VWA3B: variants seen among roughly 807,000 people sequenced by gnomAD.
VWA3B encodes von Willebrand factor A domain-containing protein 3B.
A neutral mutation model predicts 158.3 loss-of-function variants in VWA3B; 138 were observed. The ratio of observed to expected loss-of-function variants is 0.87; its 90% CI spans 0.76 to 1.00. The LOEUF (loss-of-function observed/expected upper bound fraction) is 1.00. VWA3B is among the 50% of genes least tolerant of loss of function. VWA3B has a pLI of 0.00. For missense variants in VWA3B, 1,555 were observed against 1,565.1 expected, an observed-to-expected ratio of 0.99 and a Z score of 0.11; for synonymous variants, 596 against 587.3, an observed-to-expected ratio of 1.01 and a Z score of -0.21.
chr2:98,097,696 G>A (rs1682808600), intron 2 of VWA3B, among the ~76,000 whole-genome samples: 1 of 152,112 alleles, frequency 6.6e-6, no homozygotes, highest in African/African-American at 2.4e-5. Context: ...TTTCCATAGA[G>A]GTTGTACTAA....
chr2:98,188,108 C>T lies in VWA3B; in HGVS notation c.1445C>T (p.Ala482Val), dbSNP rs1490251225. ...CKWYSERIHTALARIRRRIKW... is the reference protein window; with the variant it reads ...CKWYSERIHTVLARIRRRIKW... ...TGGTACAGTGAGAGAATCCACACAG[C>T]CCTGGCCCGGATCCGAAGGAGGTTG... is the stretch of plus-strand genomic sequence containing the variant. The change falls in exon 10 of 28, where the codon GCC (alanine) becomes GTC (valine). Residue 482 changes from alanine (A) to valine (V), a missense_variant. By Grantham distance (64) the Ala-to-Val change is moderately conservative. Coordinates refer to ENST00000477737, the MANE Select transcript of VWA3B (RefSeq NM_144992.5). 2 of 1,612,878 alleles carry T rather than the reference C, an allele frequency of 1.2e-6. No homozygotes were observed. The highest frequency in any genetic ancestry group is 1.3e-5 in the African/African-American group (1 of 74,868).
chr2:98,176,261 CTTCCT>C lies in VWA3B; in HGVS notation c.1115-4751_1115-4747del, dbSNP rs1160773164. On this transcript the variant is annotated intron_variant, in intron 8 of 27. Coordinates refer to ENST00000477737, the MANE Select transcript of VWA3B (RefSeq NM_144992.5). ...CTTCTTTTCTCCCCTCCCTTCCTTCCTTCCTTTCTTCTGTCCTCCCTTCCCTCCCT... is the reference window on the plus strand; with the variant it reads ...CTTCTTTTCTCCCCTCCCTTCCTTCCTTCTTCTGTCCTCCCTTCCCTCCCT... Among the ~76,000 whole-genome samples, 11 of 150,998 alleles carry C rather than the reference CTTCCT, an allele frequency of 7.3e-5. No homozygotes were observed. In the East Asian group the frequency reaches 2.2e-3, roughly 30 times the overall value.
intron 7 of VWA3B, among the ~76,000 whole-genome samples, chr2:98,140,857 C>T (rs2105100514): frequency 1.3e-5 from 2 of 152,320 alleles, no homozygotes; most frequent in Non-Finnish European, 2.9e-5. Flanking sequence ...TAGGAATTTT[C>T]CTTGGAAAAG....
At chr2:98,221,483 A>G (rs937595643) in intron 14 of VWA3B, among the ~76,000 whole-genome samples, 1 of 152,188 alleles carries the variant, frequency 6.6e-6, no homozygotes, top group Non-Finnish European at 1.5e-5. Flanking sequence ...CTCTTGCTTC[A>G]TGGAAGCAAG....
the VWA3B span, among the ~76,000 whole-genome samples, chr2:98,321,032 A>G: frequency 2.1e-4 from 32 of 152,192 alleles, no homozygotes; most frequent in Non-Finnish European, 4.6e-4. Flanking sequence ...GCAGCCTTCA[A>G]ACAGGGTGCT....
intron 21 of VWA3B, among the ~76,000 whole-genome samples, chr2:98,262,270 C>T (rs986381840): frequency 2.0e-5 from 3 of 151,732 alleles, no homozygotes; most frequent in African/African-American, 7.3e-5. Flanking sequence ...CTTTGATGCA[C>T]AAAAGTTTTT....
At chr2:98,282,105 T>A (rs1189899272) in intron 22 of VWA3B, among the ~76,000 whole-genome samples, 1 of 152,208 alleles carries the variant, frequency 6.6e-6, no homozygotes, top group East Asian at 1.9e-4. Flanking sequence ...TTTGGCAAAA[T>A]TCAAAACCAG....
chr2:98,328,785 A>G, the VWA3B span, among the ~76,000 whole-genome samples: 1 of 152,228 alleles, frequency 6.6e-6, no homozygotes, highest in African/African-American at 2.4e-5. Flanking sequence ...ATTCAATGAT[A>G]TTCCACACAT....
intron 15 of VWA3B, among the ~76,000 whole-genome samples, chr2:98,229,216 T>C (rs1685156262): frequency 6.6e-6 from 1 of 152,184 alleles, no homozygotes; most frequent in African/African-American, 2.4e-5. Context: ...ACAAATAAAC[T>C]AAGAATCAAG....
intron 26 of VWA3B, among the ~76,000 whole-genome samples, chr2:98,308,915 T>A (rs1245688131): frequency 7.9e-5 from 12 of 152,190 alleles, no homozygotes. Flanking sequence ...CTCATGCCTG[T>A]AACCCTAGCA....
chr2:98,183,328 A>G (rs1356158975), intron 9 of VWA3B, among the ~76,000 whole-genome samples: 1 of 152,096 alleles, frequency 6.6e-6, no homozygotes, highest in African/African-American at 2.4e-5. Flanking sequence ...AGGCTGTGAA[A>G]TAGGTAGATT....
intron 3 of VWA3B, among the ~76,000 whole-genome samples, chr2:98,117,900 C>T (rs902117355): frequency 3.3e-5 from 5 of 152,022 alleles, no homozygotes; most frequent in Admixed American, 2.6e-4. Flanking sequence ...CCGTATCCAG[C>T]TACTTTTTGT....
chr2:98,148,178 A>G (rs1006978152), intron 7 of VWA3B, among the ~76,000 whole-genome samples: 1 of 152,180 alleles, frequency 6.6e-6, no homozygotes, highest in Non-Finnish European at 1.5e-5. Context: ...ATTGTGGGGT[A>G]ATCTCTCATG....
chr2:98,217,707 A>G, intron 13 of VWA3B, 139 bp from the exon 14 acceptor site: 1 of 676,592 alleles, frequency 1.5e-6, no homozygotes, highest in Non-Finnish European at 2.2e-6. Flanking sequence ...TTGAATCGAC[A>G]TGTTTTTAAG....
intron 2 of VWA3B, among the ~76,000 whole-genome samples, chr2:98,106,299 A>T (rs1673650136): frequency 6.6e-6 from 1 of 152,008 alleles, no homozygotes; most frequent in Non-Finnish European, 1.5e-5. Flanking sequence ...AATTTCTTGA[A>T]ATTGGGCCGG....
rs76801080 is a variant in VWA3B at position 98,157,962 on chromosome 2, A to G, written c.989-4889A>G. ...CCTGTCCTGGAAACGATAGTACTTC[A>G]GATACTTGGGGGAAGTCTTGCTTAC... On this transcript the variant is annotated intron_variant, in intron 7 of 27. Coordinates refer to ENST00000477737, the MANE Select transcript of VWA3B (RefSeq NM_144992.5). Among the ~76,000 whole-genome samples, 533 of 152,316 alleles carry G rather than the reference A, an allele frequency of 3.5e-3. 1 individual carries two copies. Among genetic ancestry groups the G allele is most frequent in the Non-Finnish European group, 5.8e-3 (394 of 68,026 alleles).
At chr2:98,317,564 C>T (rs1333548028), downstream of VWA3B, among the ~76,000 whole-genome samples, 5 of 152,238 alleles carry the variant, frequency 3.3e-5, no homozygotes, top group Non-Finnish European at 7.3e-5. Flanking sequence ...GTCTCAACAA[C>T]CTCTTATGGT....
At chr2:98,213,630 G>T (rs934016379) in intron 13 of VWA3B, among the ~76,000 whole-genome samples, 8 of 152,148 alleles carry the variant, frequency 5.3e-5, no homozygotes, top group African/African-American at 1.9e-4. Context: ...GATATTAACG[G>T]ATTGAAATGC....
intron 9 of VWA3B, among the ~76,000 whole-genome samples, chr2:98,184,042 C>A (rs1315289129): frequency 6.6e-6 from 1 of 152,222 alleles, no homozygotes; most frequent in East Asian, 1.9e-4. Context: ...GTCGCGGGAC[C>A]TGTGAGAGGT....
Sources: allele counts gnomAD v4.1 joint callset (sites outside exome capture counted in the v4.1 genomes callset), GRCh38; gene constraint gnomAD v4.1.1; transcripts MANE v1.5; gene names NCBI Gene and HGNC (gene_info 2026-07-23, HGNC 2026-07-21).